BABAM2: variants seen among roughly 807,000 people sequenced by gnomAD.
BABAM2 encodes the protein BRISC and BRCA1 A complex member 2.
BABAM2 carries 31 observed loss-of-function variants against 54.7 expected under a neutral mutation model. The ratio of observed to expected loss-of-function variants is 0.57; its 90% CI spans 0.43 to 0.77. BABAM2 has a LOEUF of 0.77. Among genes scored for constraint, BABAM2 ranks in the 30% least tolerant of loss-of-function variants. The pLI is 0.00. For missense variants in BABAM2, 364 were observed against 455.8 expected, an observed-to-expected ratio of 0.80 and a Z score of 1.83; for synonymous variants, 167 against 162.9, an observed-to-expected ratio of 1.03 and a Z score of -0.19.
chr2:28,327,213 C>T (rs1690542926), intron 11 of BABAM2: 4 of 1,535,168 alleles, frequency 2.6e-6, no homozygotes, highest in Non-Finnish European at 3.5e-6. Flanking sequence ...CTACCCTGTC[C>T]CTCCCTCCAT....
At chr2:28,184,263 C>CCTCTCTCTCTCT (rs757881813) in intron 7 of BABAM2, among the ~76,000 whole-genome samples, 14 of 59,380 alleles carry the variant, frequency 2.4e-4, no homozygotes, top group Middle Eastern at 0.016. Context: ...TCCCTCCCTC[C>CCTCTCTCTCTCT]CTCTCTCTCT....
chr2:28,338,500 A>G lies in BABAM2; in HGVS notation c.1139A>G (p.Asn380Ser), dbSNP rs781544411. Residue 380 changes from asparagine to serine, a missense_variant, in exon 12 of 12, where the codon AAT becomes AGT. Physicochemically the swap from Asn to Ser is conservative, Grantham distance 46. Coordinates refer to ENST00000379624, the MANE Select transcript of BABAM2 (RefSeq NM_199191.3). ...CAGTTCCAGGAGGCAGCATTTGCCA[A>G]TGGAAAGCTCTAGGAAACACCAGTC... is the stretch of plus-strand genomic sequence containing the variant. ...VPQFQEAAFA[N>S]GKL 2 of 1,614,162 alleles carry G rather than the reference A, an allele frequency of 1.2e-6. No homozygotes were observed. The highest frequency in any genetic ancestry group is 4.5e-5 in the East Asian group (2 of 44,880).
At chr2:28,252,795 G>A (rs1271268901) in intron 10 of BABAM2, among the ~76,000 whole-genome samples, 2 of 152,176 alleles carry the variant, frequency 1.3e-5, no homozygotes, top group African/African-American at 4.8e-5. Flanking sequence ...CTTTTCAGTT[G>A]TAATTATTGG....
At chr2:28,170,471 G>A (rs1379905104) in intron 7 of BABAM2, among the ~76,000 whole-genome samples, 1 of 151,944 alleles carries the variant, frequency 6.6e-6, no homozygotes, top group Non-Finnish European at 1.5e-5. Context: ...CACAATTAGT[G>A]TATATAAAAA....
chr2:27,909,431 A>G lies in BABAM2; in HGVS notation c.128+14747A>G, dbSNP rs141568163. ...AAAGTTTTTTTTTGGTATTCATTGT[A>G]TGATTTCTTTTTGGGTTCTGAATAT... On this transcript the variant is annotated intron_variant, in intron 2 of 11. Transcript: ENST00000379624. 2.8e-4 allele frequency among the ~76,000 whole-genome samples: 43 copies of G among 152,122 alleles called. No homozygotes were observed. The East Asian group carries it at 8.1e-3, about 29-fold the overall frequency.
chr2:28,239,407 C>T (rs556481062), intron 8 of BABAM2, among the ~76,000 whole-genome samples: 7 of 152,264 alleles, frequency 4.6e-5, no homozygotes, highest in African/African-American at 1.4e-4. Flanking sequence ...CTGTTTCTTC[C>T]AGCCATCATG....
intron 4 of BABAM2, among the ~76,000 whole-genome samples, chr2:28,010,456 A>C (rs1233246907): frequency 6.6e-6 from 1 of 152,126 alleles, no homozygotes; most frequent in Non-Finnish European, 1.5e-5. Flanking sequence ...TCTGGCAGAA[A>C]ACCCAAACCA....
At chr2:28,211,571 T>A (rs1679462991) in intron 7 of BABAM2, among the ~76,000 whole-genome samples, 2 of 151,926 alleles carry the variant, frequency 1.3e-5, no homozygotes, top group Non-Finnish European at 2.9e-5. Context: ...GTATTTTTAG[T>A]AGAGACAGGG....
intron 3 of BABAM2, among the ~76,000 whole-genome samples, chr2:27,934,648 T>A (rs754226358): frequency 3.9e-5 from 6 of 152,224 alleles, no homozygotes; most frequent in Non-Finnish European, 8.8e-5. Context: ...AACCACGTTG[T>A]GAATGCAAAG....
chr2:28,114,749 G>A (rs1394463416), intron 6 of BABAM2, among the ~76,000 whole-genome samples: 1 of 152,152 alleles, frequency 6.6e-6, no homozygotes, highest in African/African-American at 2.4e-5. Context: ...CTGCACTCTA[G>A]GGTTTGATCA....
chr2:27,979,202 A>AT (rs956563907), intron 3 of BABAM2, among the ~76,000 whole-genome samples: 2 of 151,376 alleles, frequency 1.3e-5, no homozygotes, highest in Admixed American at 6.6e-5. Flanking sequence ...CAATTTTTGT[A>AT]TTTTTTTGTT....
chr2:28,256,814 C>T (rs1482912169), intron 10 of BABAM2, among the ~76,000 whole-genome samples: 1 of 151,550 alleles, frequency 6.6e-6, no homozygotes, highest in Non-Finnish European at 1.5e-5. Flanking sequence ...CCTGCCTCAG[C>T]CTCCCAAATA....
intron 2 of BABAM2, among the ~76,000 whole-genome samples, chr2:27,903,829 T>C (rs541460340): frequency 6.6e-6 from 1 of 152,220 alleles, no homozygotes; most frequent in Non-Finnish European, 1.5e-5. Flanking sequence ...GATTTGTTCT[T>C]ATGTTAGGTC....
intron 9 of BABAM2, among the ~76,000 whole-genome samples, chr2:28,244,050 G>C (rs1042175557): frequency 5.9e-5 from 9 of 152,164 alleles, no homozygotes; most frequent in African/African-American, 1.9e-4. Flanking sequence ...TGGATGAGTT[G>C]AGGCTACAGA....
At chr2:28,087,897 A>G (rs540186454) in intron 6 of BABAM2, among the ~76,000 whole-genome samples, 2 of 152,218 alleles carry the variant, frequency 1.3e-5, no homozygotes, top group Admixed American at 1.3e-4. Flanking sequence ...TGATCTGCCC[A>G]TCTTGGCCTC....
intron 4 of BABAM2, among the ~76,000 whole-genome samples, chr2:28,017,151 A>G (rs1265990531): frequency 6.6e-6 from 1 of 152,240 alleles, no homozygotes; most frequent in Non-Finnish European, 1.5e-5. Context: ...TTTCATTTCA[A>G]TTGTTTTAGA....
intron 7 of BABAM2, among the ~76,000 whole-genome samples, chr2:28,176,596 A>AAAAAACC (rs1248054622): frequency 6.9e-6 from 1 of 145,934 alleles, no homozygotes; most frequent in African/African-American, 2.5e-5. Flanking sequence ...AAAAAAAAAA[A>AAAAAACC]CCTCACTGAG....
At chr2:28,149,129 G>A (rs913005296) in intron 7 of BABAM2, among the ~76,000 whole-genome samples, 8 of 152,172 alleles carry the variant, frequency 5.3e-5, no homozygotes, top group Admixed American at 2.0e-4. Context: ...AATGGTAACA[G>A]CATTATTACT....
At chr2:27,915,350 A>G (rs1666886537) in intron 2 of BABAM2, among the ~76,000 whole-genome samples, 1 of 152,182 alleles carries the variant, frequency 6.6e-6, no homozygotes. Context: ...GTGTGCCAGG[A>G]ACTGTTCTAA....
Sources: gnomAD v4.1 joint callset for allele counts (sites outside exome capture counted in the v4.1 genomes callset) on GRCh38, gnomAD v4.1.1 for gene constraint, MANE v1.5 for transcripts, NCBI Gene and HGNC (gene_info 2026-07-23, HGNC 2026-07-21) for gene names.